The following NLE1 variants were observed in gnomAD, a reference collection of about 807,000 sequenced individuals.
The protein encoded by NLE1 is notchless homolog 1.
Under a neutral mutation model 62.8 loss-of-function variants are expected in NLE1, and 37 were observed. That is an observed-to-expected ratio of 0.59 (90% CI 0.45 to 0.78). The LOEUF is 0.78. NLE1 is among the 30% of genes least tolerant of loss of function. The pLI is 0.00. For missense variants in NLE1, 555 were observed against 637.9 expected (o/e 0.87, Z 1.40); for synonymous variants, 243 against 253.0 (o/e 0.96, Z 0.37).
In NLE1 at chr17:35,135,239, C is replaced by T. The variant is rs202090705; in HGVS notation, c.1214+10G>A. 4.9e-5 allele frequency: 79 copies of T among 1,613,566 alleles called. No individual in the cohort carries two copies. Among genetic ancestry groups the T allele is most frequent in the Middle Eastern group, 1.6e-4 (1 of 6,084 alleles). ...CTCCTTACAGAGAAGCAGTACCCAC[C>T]CCTACTCACTTGCCCGTCCTGCCAT... On this transcript the variant is annotated intron_variant, in intron 10 of 12. Coordinates refer to ENST00000442241, the MANE Select transcript of NLE1 (RefSeq NM_018096.5).
chr17:35,141,838 G>T, intron 2 of NLE1, 141 bp downstream of exon 2: 1 of 932,770 alleles, frequency 1.1e-6, no homozygotes, highest in Non-Finnish European at 1.6e-6. Context: ...TTCCATCTCT[G>T]ACATAGGTGG....
intron 6 of NLE1, 89 bp from the exon 7 acceptor site, chr17:35,137,282 G>T: frequency 7.9e-7 from 1 of 1,271,468 alleles, no homozygotes. Flanking sequence ...AAAGGCCATG[G>T]ACAATCTTTT....
intron 4 of NLE1, 71 bp downstream of exon 4, chr17:35,139,164 T>C: frequency 1.5e-6 from 2 of 1,357,780 alleles, no homozygotes; most frequent in Non-Finnish European, 1.0e-6. Context: ...CTGTACTCCA[T>C]CCTGGTCAAC....
rs1474529376 is a variant in NLE1 at position 35,137,542 on chromosome 17, C to A, written c.635+1G>T. 1 of 1,606,374 alleles carries A rather than the reference C, an allele frequency of 6.2e-7. No homozygotes were observed. Among genetic ancestry groups the A allele is most frequent in the Admixed American group, 1.7e-5 (1 of 59,938 alleles). On this transcript the variant is annotated splice_donor_variant, in intron 6 of 12. Transcript: ENST00000442241. LOFTEE classifies it high-confidence loss of function. Reference sequence around the variant, plus strand: ...GTCCCAGCTCCGTCAGTGTCACTTACGCATGGAGGGGCTCCCAGCTCAGGC... The same window carrying A: ...GTCCCAGCTCCGTCAGTGTCACTTAAGCATGGAGGGGCTCCCAGCTCAGGC...
intron 3 of NLE1, 146 bp downstream of exon 3, chr17:35,139,703 C>A: frequency 8.7e-7 from 1 of 1,145,908 alleles, no homozygotes; most frequent in Non-Finnish European, 1.2e-6. Context: ...CTGAGGAAGT[C>A]CCTTAATTGC....
chr17:35,133,413 T>C lies in NLE1; in HGVS notation c.1300A>G (p.Ser434Gly). The C allele has an allele frequency of 6.2e-7, 1 of 1,614,114 alleles. No individual in the cohort carries two copies. The highest frequency in any genetic ancestry group is 8.5e-7 in the Non-Finnish European group (1 of 1,180,032). ...TCCCACACCTTCAGTGTGCTGTCAC[T>C]GCTGCCGCTGACCAGGAGCCGACTG... is the stretch of plus-strand genomic sequence containing the variant. ...ADSRLLVSGS[S>G]DSTLKVWDVK... Residue 434 changes from serine (S) to glycine (G), a missense_variant, in exon 11 of 13, where the codon AGT (serine) becomes GGT (glycine). By Grantham distance (56) the Ser-to-Gly change is moderately conservative (BLOSUM62 0). Coordinates refer to ENST00000442241, the MANE Select transcript of NLE1 (RefSeq NM_018096.5).
rs900534883 is a variant in NLE1, at chr17:35,136,512, G to T, written c.829-15C>A. ...CACAGCACACCCTACGGGAGAGCGA[G>T]TCAGGTCAGACACACACACTCCTCC... On this transcript the variant is annotated splice_polypyrimidine_tract_variant and intron_variant, in intron 7 of 12. Transcript: ENST00000442241. The T allele has an allele frequency of 3.7e-6, 6 of 1,605,116 alleles. No individual in the cohort carries two copies. The highest frequency in any genetic ancestry group is 3.6e-4 in the Middle Eastern group (2 of 5,542).
rs1003656414 is a variant in NLE1 at position 35,131,532 on chromosome 17, G to C, written c.*905C>G. On this transcript the variant is annotated 3_prime_UTR_variant, in exon 13 of 13. Transcript: ENST00000442241. ...ACTGCTTGAAAGTTCTCGTGGCAAA[G>C]AACTTCCTCTGTATCAACAATACCC... The C allele has an allele frequency of 6.6e-6, 1 of 152,194 alleles. No homozygotes were observed. The highest frequency in any genetic ancestry group is 1.5e-5 in the Non-Finnish European group (1 of 68,044). 9.4% of individuals were successfully genotyped at this position (152,194 alleles called of 1,614,324 possible). A position where few individuals can be genotyped will look rare whatever the true frequency, so the allele number is the denominator to read the frequency against.
In NLE1 at chr17:35,140,054, G is replaced by T; in HGVS notation, c.175C>A (p.Pro59Thr). ...GCATCGTGGACAAAGAAAGCCAGTGGCAGGGGATCCTCCTGAAGGACAATG... is the reference window on the plus strand; with the variant it reads ...GCATCGTGGACAAAGAAAGCCAGTGTCAGGGGATCCTCCTGAAGGACAATG... ...NALLAQEDPL[P>T]LAFFVHDAEI... Residue 59 changes from proline (P) to threonine (T), a missense_variant, in exon 3 of 13, where the codon CCA becomes ACA. Physicochemically the swap from Pro to Thr is conservative, Grantham distance 38. Coordinates refer to ENST00000442241, the MANE Select transcript of NLE1 (RefSeq NM_018096.5). 6.2e-7 allele frequency: 1 copy of T among 1,613,316 alleles called. No individual in the cohort carries two copies. The highest frequency in any genetic ancestry group is 8.5e-7 in the Non-Finnish European group (1 of 1,179,970).
At chr17:35,140,220 T>TTTTATTTA (rs1478315760) in intron 2 of NLE1, among the ~76,000 whole-genome samples, 154 bp from the exon 3 acceptor site, 1 of 152,158 alleles carries the variant, frequency 6.6e-6, no homozygotes, top group African/African-American at 2.4e-5. Flanking sequence ...GAGCAAGACC[T>TTTTATTTA]TTTATTTATT....
chr17:35,138,722 G>A (rs1434122609), intron 4 of NLE1, among the ~76,000 whole-genome samples: 2 of 152,224 alleles, frequency 1.3e-5, no homozygotes, highest in Non-Finnish European at 2.9e-5. Context: ...GGGATTACAG[G>A]TGTGGGCCAC....
Position 35,139,743 on chromosome 17 carries a change from A to T in NLE1, c.380+106T>A, listed in dbSNP as rs1049777032. ...TGAGTCCAGAGCTTGGGTCTATGGT[A>T]GGCAGCCCTGAGGCCCCATCAATTA... is the stretch of plus-strand genomic sequence containing the variant. On this transcript the variant is annotated intron_variant, in intron 3 of 12. Transcript: ENST00000442241. 5 of 1,471,876 alleles carry T rather than the reference A, an allele frequency of 3.4e-6. No individual in the cohort carries two copies. In the Admixed American group the frequency reaches 5.8e-5, roughly 17 times the overall value. 91.2% of individuals were successfully genotyped at this position (1,471,876 alleles called of 1,614,324 possible).
intron 12 of NLE1, 83 bp from the exon 13 acceptor site, chr17:35,132,532 G>C (rs1052968296): frequency 2.5e-6 from 3 of 1,195,220 alleles, no homozygotes; most frequent in African/African-American, 1.6e-5. Flanking sequence ...TCAACAGACG[G>C]ACGGCCTGTG....
intron 2 of NLE1, 92 bp downstream of exon 2, chr17:35,141,887 G>A (rs1597896178): frequency 6.4e-6 from 9 of 1,397,990 alleles, no homozygotes; most frequent in Non-Finnish European, 8.7e-6. Context: ...CCGTTAGCGG[G>A]GGACCATGAA....
In NLE1 at chr17:35,129,416, C is replaced by T; in HGVS notation, c.*3021G>A. ...GAGGAAGCCTCGGGGCTCTCTCTTC[C>T]CCTAGATTTCCTGGACCTACGCCTT... On this transcript the variant is annotated 3_prime_UTR_variant, in exon 13 of 13. Transcript: ENST00000442241. 5.0e-6 allele frequency: 8 copies of T among 1,612,684 alleles called. No individual in the cohort carries two copies. The highest frequency in any genetic ancestry group is 1.1e-5 in the South Asian group (1 of 91,036).
rs116132634 is a variant in NLE1, at chr17:35,130,709, T to G, written c.*1728A>C. On this transcript the variant is annotated 3_prime_UTR_variant, in exon 13 of 13. Coordinates refer to ENST00000442241, the MANE Select transcript of NLE1 (RefSeq NM_018096.5). ...TCTGGGCTGGGTCTAGGTCCCTCATTAAAGAACTGCAGGTCATCCAGCACC... is the reference window on the plus strand; with the variant it reads ...TCTGGGCTGGGTCTAGGTCCCTCATGAAAGAACTGCAGGTCATCCAGCACC... The G allele has an allele frequency of 1.7e-5, 7 of 418,664 alleles. No homozygotes were observed. Among genetic ancestry groups the G allele is most frequent in the African/African-American group, 1.4e-4 (7 of 50,202 alleles). The allele number at this position is 418,664 out of a possible 1,614,324, so 25.9% of individuals were successfully genotyped here.
chr17:35,136,860 T>C, intron 7 of NLE1, 141 bp downstream of exon 7: 1 of 830,566 alleles, frequency 1.2e-6, no homozygotes, highest in South Asian at 1.7e-5. Flanking sequence ...AACTCCTCAT[T>C]CCCAAAACAC....
At position 35,140,067 on chromosome 17, in the gene NLE1, C is replaced by CTGAAGGACAATGG; in HGVS notation, c.163-14_163-2dup. On this transcript the variant is annotated splice_acceptor_variant, in intron 2 of 12. Coordinates refer to ENST00000442241, the MANE Select transcript of NLE1 (RefSeq NM_018096.5). LOFTEE classifies it high-confidence loss of function. ...AGAAAGCCAGTGGCAGGGGATCCTC[C>CTGAAGGACAATGG]TGAAGGACAATGGTAAAGGACAAAC... The CTGAAGGACAATGG allele has an allele frequency of 1.2e-6, 2 of 1,612,760 alleles. No individual in the cohort carries two copies. Among genetic ancestry groups the CTGAAGGACAATGG allele is most frequent in the Non-Finnish European group, 1.7e-6 (2 of 1,179,848 alleles).
chr17:35,137,731 C>CA, intron 5 of NLE1, 83 bp downstream of exon 5: 1 of 1,359,316 alleles, frequency 7.4e-7, no homozygotes, highest in Non-Finnish European at 1.0e-6. Context: ...CAACCCTCCC[C>CA]AAAGACTCCT....
Sources: allele counts gnomAD v4.1 joint callset (sites outside exome capture counted in the v4.1 genomes callset), GRCh38; gene constraint gnomAD v4.1.1; transcripts MANE v1.5; gene names NCBI Gene and HGNC (gene_info 2026-07-23, HGNC 2026-07-21).